TSNARE1: variants seen among roughly 807,000 people sequenced by gnomAD.
The protein encoded by TSNARE1 is t-SNARE domain containing 1, also known as t-SNARE domain-containing protein 1.
In TSNARE1, 49 loss-of-function variants were observed where a neutral mutation model predicts 62.0. The observed-to-expected ratio is 0.79, with a 90% CI of 0.63 to 1.00. The LOEUF (loss-of-function observed/expected upper bound fraction) is 1.00, where lower values mean the gene tolerates loss of function less well. Among genes scored for constraint, TSNARE1 ranks in the 50% least tolerant of loss-of-function variants. The pLI is 0.00. For missense variants in TSNARE1, 755 were observed against 700.1 expected (o/e 1.08, Z -0.88); for synonymous variants, 328 against 294.4 (o/e 1.11, Z -1.17).
At chr8:142,222,967 T>TCCAC (rs1563756356) in intron 13 of TSNARE1, among the ~76,000 whole-genome samples, 13 of 129,048 alleles carry the variant, frequency 1.0e-4, no homozygotes, top group Admixed American at 4.7e-4. Flanking sequence ...CACTCACTCA[T>TCCAC]TCACTCACTC....
chr8:142,327,541 TG>T (rs1356710798), intron 6 of TSNARE1, among the ~76,000 whole-genome samples: 3 of 152,198 alleles, frequency 2.0e-5, no homozygotes, highest in Non-Finnish European at 4.4e-5. Context: ...GAGCCCTCTC[TG>T]GCCCCCTCAC....
chr8:142,270,060 G>A (rs1819382789), intron 12 of TSNARE1: 4 of 985,424 alleles, frequency 4.1e-6, no homozygotes, highest in Non-Finnish European at 4.8e-6. Flanking sequence ...TTGCTCCTGG[G>A]ACAGGCTTTG....
intron 13 of TSNARE1, among the ~76,000 whole-genome samples, chr8:142,220,770 C>T (rs1554623690): frequency 6.6e-6 from 1 of 152,220 alleles, no homozygotes; most frequent in Non-Finnish European, 1.5e-5. Flanking sequence ...CAGTGCAGCC[C>T]ACCAGGTCTC....
At chr8:142,311,512 G>A (rs917146856) in intron 9 of TSNARE1, among the ~76,000 whole-genome samples, 1 of 151,618 alleles carries the variant, frequency 6.6e-6, no homozygotes, top group Non-Finnish European at 1.5e-5. Flanking sequence ...GGTCAGGCTG[G>A]TCTCGAACTC....
intron 10 of TSNARE1, among the ~76,000 whole-genome samples, chr8:142,284,947 A>G (rs1822432165): frequency 6.6e-6 from 1 of 152,234 alleles, no homozygotes; most frequent in Admixed American, 6.5e-5. Context: ...TCCTGCACAG[A>G]AGGGTCTACC....
intron 10 of TSNARE1, among the ~76,000 whole-genome samples, chr8:142,295,770 A>C (rs1489925570): frequency 6.6e-6 from 1 of 151,692 alleles, no homozygotes; most frequent in African/African-American, 2.4e-5. Context: ...CATTGCCCAG[A>C]CTCAGGCTGG....
chr8:142,283,320 CCAATGAGCAGAGGCGGGGCCAGTGTCTGT>C (rs1822024043), intron 11 of TSNARE1, among the ~76,000 whole-genome samples: 1 of 49,524 alleles, frequency 2.0e-5, no homozygotes, highest in Admixed American at 2.0e-4. Context: ...CCAGTGTCTG[CCAATGAGCAGAGGCGGGGCCAGTGTCTGT>C]CAATGAGCGG....
chr8:142,233,593 G>A (rs1366903017), intron 12 of TSNARE1, among the ~76,000 whole-genome samples: 2 of 152,174 alleles, frequency 1.3e-5, no homozygotes, highest in African/African-American at 2.4e-5. Flanking sequence ...CATTGTGTGG[G>A]CAGGGCTGGT....
intron 4 of TSNARE1, among the ~76,000 whole-genome samples, chr8:142,342,842 T>C (rs1238447005): frequency 7.4e-6 from 1 of 134,880 alleles, no homozygotes; most frequent in Non-Finnish European, 1.5e-5. Context: ...GGACACCTGT[T>C]CCAGCACCTG....
intron 12 of TSNARE1, among the ~76,000 whole-genome samples, chr8:142,256,157 C>G (rs1818521430): frequency 1.5e-5 from 2 of 130,230 alleles, no homozygotes; most frequent in East Asian, 2.5e-4. Context: ...ACCACTGTCA[C>G]CATCACCACC....
At chr8:142,315,807 G>C (rs1828437709) in intron 7 of TSNARE1, among the ~76,000 whole-genome samples, 1 of 152,234 alleles carries the variant, frequency 6.6e-6, no homozygotes, top group Admixed American at 6.5e-5. Context: ...AAGGCGGGCT[G>C]GTCTGGGGTA....
chr8:142,326,656 G>C lies in TSNARE1; in HGVS notation c.893+4245C>G, dbSNP rs145697129. ...TGAGACGGATGAGGAACCAGCACCA[G>C]CGAAGGGGAGGGCCCCAGAGAGCAC... On this transcript the variant is annotated intron_variant, in intron 6 of 13. Transcript: ENST00000524325. Among the ~76,000 whole-genome samples the C allele has an allele frequency of 2.1e-3, 309 of 149,662 alleles. 5 individuals are homozygous for C. The highest frequency in any genetic ancestry group is 7.4e-3 in the African/African-American group (295 of 39,764).
intron 10 of TSNARE1, among the ~76,000 whole-genome samples, chr8:142,298,883 G>A (rs1021254289): frequency 4.6e-5 from 7 of 152,278 alleles, no homozygotes; most frequent in Admixed American, 1.3e-4. Flanking sequence ...ACGAGCACCC[G>A]TTTCTCCACT....
At chr8:142,264,992 C>T (rs1046997106) in intron 12 of TSNARE1, among the ~76,000 whole-genome samples, 4 of 151,910 alleles carry the variant, frequency 2.6e-5, no homozygotes, top group Admixed American at 2.6e-4. Context: ...CATTTTTTGC[C>T]TTCTCCTTTC....
At position 142,297,014 on chromosome 8, in the gene TSNARE1, G is replaced by A. The variant is rs537297623; in HGVS notation, c.1290+3472C>T. ...CGCTACACTCTGCCTACGGCCACAC[G>A]GGCTGTCCCAGCTGGCAAGTCCCTG... On this transcript the variant is annotated intron_variant, in intron 10 of 13. Coordinates refer to ENST00000524325, the MANE Select transcript of TSNARE1 (RefSeq NM_145003.5). Among the ~76,000 whole-genome samples the A allele has an allele frequency of 7.2e-5, 11 of 152,292 alleles. No homozygotes were observed. In the East Asian group the frequency reaches 7.7e-4, roughly 11 times the overall value.
chr8:142,285,740 C>T (rs558661621), intron 10 of TSNARE1, among the ~76,000 whole-genome samples: 7 of 152,112 alleles, frequency 4.6e-5, no homozygotes, highest in African/African-American at 1.2e-4. Flanking sequence ...AGGAGGACTT[C>T]GGGTACCCCT....
intron 11 of TSNARE1, chr8:142,276,926 C>T: frequency 1.0e-6 from 1 of 985,460 alleles, no homozygotes; most frequent in Non-Finnish European, 1.2e-6. Context: ...GCCCAGGCTG[C>T]CAGGTGGGCA....
intron 1 of TSNARE1, among the ~76,000 whole-genome samples, chr8:142,381,176 C>T (rs149906613): frequency 1.3e-5 from 2 of 152,364 alleles, no homozygotes; most frequent in African/African-American, 2.4e-5. Flanking sequence ...GAATCCTGCC[C>T]ACCCTTGTCC....
At chr8:142,383,427 C>T (rs1038522138) in intron 1 of TSNARE1, among the ~76,000 whole-genome samples, 1 of 150,348 alleles carries the variant, frequency 6.7e-6, no homozygotes, top group Non-Finnish European at 1.5e-5. Flanking sequence ...ACACCCAGGA[C>T]AGAGTGCAAA....
Sources: gnomAD v4.1 joint callset for allele counts (sites outside exome capture counted in the v4.1 genomes callset) on GRCh38, gnomAD v4.1.1 for gene constraint, MANE v1.5 for transcripts, NCBI Gene and HGNC (gene_info 2026-07-23, HGNC 2026-07-21) for gene names.